LRRC4C: variants seen among roughly 807,000 people sequenced by gnomAD.
The protein encoded by LRRC4C is leucine-rich repeat-containing protein 4C.
LRRC4C carries 5 observed loss-of-function variants against 33.6 expected under a neutral mutation model. The ratio of observed to expected loss-of-function variants is 0.15; its 90% CI spans 0.08 to 0.31. The LOEUF is 0.31. LRRC4C is among the 10% of genes least tolerant of loss of function. LRRC4C has a pLI of 1.00. For missense variants in LRRC4C, 560 were observed against 796.7 expected (o/e 0.70, Z 3.58); for synonymous variants, 329 against 302.0 (o/e 1.09, Z -0.93).
chr11:40,578,557 C>G (rs1230507432), intron 3 of LRRC4C, among the ~76,000 whole-genome samples: 1 of 152,090 alleles, frequency 6.6e-6, no homozygotes, highest in Non-Finnish European at 1.5e-5. Context: ...CTCTCTCTCT[C>G]TCATACACAC....
At chr11:40,798,143 G>A (rs367871034) in intron 2 of LRRC4C, among the ~76,000 whole-genome samples, 2 of 152,160 alleles carry the variant, frequency 1.3e-5, no homozygotes, top group Non-Finnish European at 2.9e-5. Flanking sequence ...GCAGAGGTCT[G>A]CATGTGTAAG....
At chr11:40,289,053 G>C (rs567761446) in intron 4 of LRRC4C, among the ~76,000 whole-genome samples, 1 of 152,164 alleles carries the variant, frequency 6.6e-6, no homozygotes, top group African/African-American at 2.4e-5. Context: ...ATAATGCACA[G>C]TTTCTAGTAT....
chr11:40,788,302 T>C (rs1433216221), intron 2 of LRRC4C, among the ~76,000 whole-genome samples: 1 of 114,692 alleles, frequency 8.7e-6, no homozygotes, highest in African/African-American at 3.6e-5. Context: ...AACTGAACAT[T>C]TTTTTTTCTT....
chr11:40,374,274 C>A (rs1948574675), intron 3 of LRRC4C, among the ~76,000 whole-genome samples: 1 of 152,130 alleles, frequency 6.6e-6, no homozygotes, highest in African/African-American at 2.4e-5. Context: ...TATTATTTTA[C>A]CTTCCCTGAT....
At chr11:40,988,685 C>T (rs1443493916) in intron 1 of LRRC4C, among the ~76,000 whole-genome samples, 2 of 150,750 alleles carry the variant, frequency 1.3e-5, no homozygotes, top group Admixed American at 6.6e-5. Context: ...GCAAACAACC[C>T]AGCATTTGTT....
At chr11:41,363,679 T>C (rs1043985234) in intron 1 of LRRC4C, among the ~76,000 whole-genome samples, 2 of 152,150 alleles carry the variant, frequency 1.3e-5, no homozygotes, top group Admixed American at 6.5e-5. Flanking sequence ...ATAAAGTAAA[T>C]TAGATATTTT....
At chr11:40,647,035 C>T in intron 3 of LRRC4C, among the ~76,000 whole-genome samples, 1 of 152,134 alleles carries the variant, frequency 6.6e-6, no homozygotes, top group East Asian at 1.9e-4. Context: ...TGTGACTCTC[C>T]AAACAAAGTG....
chr11:41,304,639 G>A (rs1366847155), intron 1 of LRRC4C, among the ~76,000 whole-genome samples: 2 of 115,554 alleles, frequency 1.7e-5, no homozygotes, highest in Admixed American at 9.3e-5. Flanking sequence ...TCAGCCCTCC[G>A]CCCAGCCAGC....
chr11:40,818,515 C>A (rs1951796055), intron 2 of LRRC4C, among the ~76,000 whole-genome samples: 2 of 152,080 alleles, frequency 1.3e-5, no homozygotes, highest in South Asian at 4.1e-4. Flanking sequence ...CTATTATCAT[C>A]ATATCACTAA....
At chr11:40,898,599 T>G (rs1956072765) in intron 2 of LRRC4C, among the ~76,000 whole-genome samples, 1 of 151,860 alleles carries the variant, frequency 6.6e-6, no homozygotes, top group East Asian at 1.9e-4. Context: ...AAAAGTTGAA[T>G]CCAAACTAGA....
At chr11:40,742,038 A>C (rs921346385) in intron 2 of LRRC4C, among the ~76,000 whole-genome samples, 7 of 152,096 alleles carry the variant, frequency 4.6e-5, no homozygotes, top group African/African-American at 1.4e-4. Context: ...AAAGTAGAAA[A>C]AAATCTAATA....
chr11:40,172,277 T>C (rs569008180), intron 5 of LRRC4C, among the ~76,000 whole-genome samples: 11 of 152,144 alleles, frequency 7.2e-5, no homozygotes, highest in Non-Finnish European at 2.9e-5. Context: ...ACAAATGGAC[T>C]AAGACATACA....
chr11:40,219,741 T>C lies in LRRC4C; in HGVS notation c.-96+21778A>G, dbSNP rs112999612. Among the ~76,000 whole-genome samples the C allele has an allele frequency of 5.9e-4, 84 of 142,770 alleles. 2 individuals carry two copies. The highest frequency in any genetic ancestry group is 3.6e-3 in the Middle Eastern group (1 of 274). The allele number at this position is 142,770 out of a possible 152,430, so 93.7% of individuals were successfully genotyped here. ...GGGCAGGGCATGAGGGGGAAGAAAT[T>C]GGGGGGGTGGATATAGATCAGAGGA... On this transcript the variant is annotated intron_variant, in intron 5 of 6. Transcript: ENST00000528697.
chr11:40,924,180 C>T (rs1210919543), intron 2 of LRRC4C, among the ~76,000 whole-genome samples: 1 of 150,524 alleles, frequency 6.6e-6, no homozygotes, highest in African/African-American at 2.4e-5. Flanking sequence ...AAAATGGAAG[C>T]TTGTAGCAAG....
At chr11:40,984,893 CTTTT>C (rs562785410) in intron 1 of LRRC4C, among the ~76,000 whole-genome samples, 17 of 52,264 alleles carry the variant, frequency 3.3e-4, no homozygotes, top group Non-Finnish European at 4.0e-4. Flanking sequence ...CTCACTGACA[CTTTT>C]TTTTTTTTTT....
intron 1 of LRRC4C, among the ~76,000 whole-genome samples, chr11:41,262,527 G>A (rs368965951): frequency 1.3e-5 from 2 of 151,924 alleles, no homozygotes; most frequent in African/African-American, 4.8e-5. Context: ...AGTCCTGCAC[G>A]GACATAACTT....
chr11:40,793,053 G>A (rs1345670800), intron 2 of LRRC4C, among the ~76,000 whole-genome samples: 1 of 151,984 alleles, frequency 6.6e-6, no homozygotes, highest in Non-Finnish European at 1.5e-5. Flanking sequence ...GAGTTAATGG[G>A]TGCAGCACAC....
At chr11:40,771,801 C>T (rs933034305) in intron 2 of LRRC4C, among the ~76,000 whole-genome samples, 1 of 152,182 alleles carries the variant, frequency 6.6e-6, no homozygotes, top group African/African-American at 2.4e-5. Context: ...ACCACCTCAA[C>T]ACAGACTACA....
At chr11:41,338,056 G>A (rs1352432457) in intron 1 of LRRC4C, among the ~76,000 whole-genome samples, 1 of 152,182 alleles carries the variant, frequency 6.6e-6, no homozygotes, top group Non-Finnish European at 1.5e-5. Flanking sequence ...TGAGGCTGTG[G>A]AGAAATGGGA....
Sources: allele counts gnomAD v4.1 joint callset (sites outside exome capture counted in the v4.1 genomes callset), GRCh38; gene constraint gnomAD v4.1.1; transcripts MANE v1.5; gene names NCBI Gene and HGNC (gene_info 2026-07-23, HGNC 2026-07-21).